The following CD99L2 variants were observed in gnomAD, a reference collection of about 807,000 sequenced individuals.
The protein encoded by CD99L2 is CD99 antigen-like protein 2.
Under a neutral mutation model 27.3 loss-of-function variants are expected in CD99L2, and 24 were observed. That is an observed-to-expected ratio of 0.88 (90% confidence interval 0.64 to 1.24). The LOEUF is 1.24. Among genes scored for constraint, CD99L2 ranks in the 50% most tolerant of loss-of-function variants. CD99L2 has a pLI of 0.00. For missense variants in CD99L2, 255 were observed against 221.6 expected, an observed-to-expected ratio of 1.15 and a Z score of -0.96; for synonymous variants, 97 against 87.9, an observed-to-expected ratio of 1.10 and a Z score of -0.58.
intron 7 of CD99L2, among the ~76,000 whole-genome samples, chrX:150,784,540 T>C (rs1257495628): frequency 9.0e-6 from 1 of 111,529 alleles, no homozygotes; most frequent in Middle Eastern, 4.7e-3. Flanking sequence ...ACTATGAGAG[T>C]GCACACTTCC....
At chrX:150,839,980 G>C (rs1435283676) in intron 1 of CD99L2, among the ~76,000 whole-genome samples, 3 of 110,484 alleles carry the variant, frequency 2.7e-5, no homozygotes, top group African/African-American at 9.9e-5. Flanking sequence ...TGAAGCTTCA[G>C]TGAGCTATGA....
intron 5 of CD99L2, 34 bp downstream of exon 5, chrX:150,795,384 T>C (rs1557419876): frequency 2.5e-6 from 3 of 1,208,173 alleles, no homozygotes; most frequent in Non-Finnish European, 3.4e-6. Context: ...ATGGGATCCT[T>C]GCCTTACTAC....
intron 7 of CD99L2, among the ~76,000 whole-genome samples, chrX:150,787,123 T>A (rs1557419578): frequency 8.9e-6 from 1 of 112,471 alleles, no homozygotes. Context: ...TAGACCTTTG[T>A]TGGATGCATA....
At position 150,824,122 on chromosome X, in the gene CD99L2, A is replaced by AAGG. The variant is rs201105178; in HGVS notation, c.130+7106_130+7108dup. ...AAGGAAGAAGGAAGAAGGAAGAAGG[A>AAGG]AGGAGGAGGAGGAGGAGGAGAAGAA... On this transcript the variant is annotated intron_variant, in intron 2 of 10. Transcript: ENST00000370377. Among the ~76,000 whole-genome samples, 13 of 42,169 alleles carry AAGG rather than the reference A, an allele frequency of 3.1e-4. 1 individual carries two copies. Among genetic ancestry groups the AAGG allele is most frequent in the Non-Finnish European group, 1.7e-4 (4 of 23,031 alleles). 36.6% of individuals were successfully genotyped at this position (42,169 alleles called of 115,157 possible).
chrX:150,854,916 G>A (rs1449151129), intron 1 of CD99L2, among the ~76,000 whole-genome samples: 3 of 109,457 alleles, frequency 2.7e-5, no homozygotes, highest in Non-Finnish European at 5.7e-5. Context: ...CCCTCCCCCC[G>A]GTGGTTCACT....
At chrX:150,778,686 ATATATATAT>A (rs1219079153) in intron 7 of CD99L2, among the ~76,000 whole-genome samples, 2 of 21,599 alleles carry the variant, frequency 9.3e-5, no homozygotes, top group African/African-American at 1.7e-4. Flanking sequence ...AAAAAAAAAA[ATATATATAT>A]ATATATATAT....
intron 1 of CD99L2, among the ~76,000 whole-genome samples, chrX:150,897,295 C>T (rs963949935): frequency 4.7e-4 from 53 of 112,485 alleles, no homozygotes; most frequent in African/African-American, 1.5e-3. Context: ...AGGATGTAAG[C>T]TCCATGAAGA....
intron 2 of CD99L2, among the ~76,000 whole-genome samples, chrX:150,824,678 GA>G (rs2124217385): frequency 1.1e-5 from 1 of 89,690 alleles, no homozygotes; most frequent in African/African-American, 4.1e-5. Context: ...GGAAGAGGAA[GA>G]AGAAGAAGAG....
chrX:150,786,916 G>A (rs1660971907), intron 7 of CD99L2, among the ~76,000 whole-genome samples: 1 of 112,119 alleles, frequency 8.9e-6, no homozygotes, highest in African/African-American at 3.2e-5. Flanking sequence ...TCTGACTGGT[G>A]TGAGAAGGTA....
chrX:150,834,645 T>C (rs782339594), intron 1 of CD99L2, among the ~76,000 whole-genome samples: 12 of 112,405 alleles, frequency 1.1e-4, no homozygotes, highest in African/African-American at 3.9e-4. Context: ...TAAATTAGTA[T>C]AGCCATTTTG....
chrX:150,849,797 C>T (rs1334787108), intron 1 of CD99L2, among the ~76,000 whole-genome samples: 1 of 111,719 alleles, frequency 9.0e-6, no homozygotes. Flanking sequence ...CAGTCTGGCT[C>T]ATTCCACACC....
At chrX:150,841,464 T>C (rs1280358393) in intron 1 of CD99L2, among the ~76,000 whole-genome samples, 2 of 111,680 alleles carry the variant, frequency 1.8e-5, no homozygotes, top group Non-Finnish European at 3.8e-5. Flanking sequence ...TTGTTTTCAA[T>C]CCATGTACGT....
At chrX:150,827,581 C>T (rs782423620) in intron 2 of CD99L2, among the ~76,000 whole-genome samples, 2 of 111,760 alleles carry the variant, frequency 1.8e-5, no homozygotes, top group East Asian at 5.6e-4. Flanking sequence ...TTGTTTTGGT[C>T]CTGTTTGTTT....
At chrX:150,778,179 C>T (rs1422405405) in intron 7 of CD99L2, among the ~76,000 whole-genome samples, 3 of 110,083 alleles carry the variant, frequency 2.7e-5, no homozygotes, top group East Asian at 2.8e-4. Context: ...AATTCACACA[C>T]GCACACACAC....
At position 150,776,230 on chromosome X, in the gene CD99L2, C is replaced by G. The variant is rs920202608; in HGVS notation, c.599G>C (p.Gly200Ala). Residue 200 changes from glycine (G) to alanine (A), a missense_variant, in exon 9 of 11, where the codon GGT (glycine) becomes GCT (alanine). Gly to Ala is a moderately conservative substitution (Grantham distance 60). Transcript: ENST00000370377. The stretch of plus-strand genomic sequence containing the variant: ...GTAGGAGATGTAGCTGGAGACGGCA[C>G]CGATGAGGGCCATGGCCAGGGCGCT... ...VASALAMALI[G>A]AVSSYISYQQ... 1 of 1,210,024 alleles carries G rather than the reference C, an allele frequency of 8.3e-7. No individual in the cohort carries two copies. Among genetic ancestry groups the G allele is most frequent in the African/African-American group, 1.7e-5 (1 of 57,259 alleles).
In CD99L2 at chrX:150,768,890, C is replaced by A. The variant is rs1330363763; in HGVS notation, c.*144G>T. ...GGCAGAGAAACCAAACTCACAAACA[C>A]CCAGAGCTCATCCGGGAAACTCAGA... On this transcript the variant is annotated 3_prime_UTR_variant, in exon 11 of 11. Transcript: ENST00000370377. 81 of 1,053,717 alleles carry A rather than the reference C, an allele frequency of 7.7e-5. No homozygotes were observed. Among genetic ancestry groups the A allele is most frequent in the Non-Finnish European group, 9.2e-5 (76 of 827,541 alleles). 86.8% of individuals were successfully genotyped at this position (1,053,717 alleles called of 1,213,427 possible). A position where few individuals can be genotyped will look rare whatever the true frequency, so the allele number is the denominator to read the frequency against.
At chrX:150,770,684 C>T (rs1274297659) in intron 9 of CD99L2, among the ~76,000 whole-genome samples, 4 of 113,084 alleles carry the variant, frequency 3.5e-5, no homozygotes, top group African/African-American at 9.6e-5. Context: ...GTGGAGGGGG[C>T]GCCCGATGGC....
chrX:150,796,283 T>C (rs1557419908), intron 4 of CD99L2, among the ~76,000 whole-genome samples: 2 of 112,664 alleles, frequency 1.8e-5, no homozygotes, highest in African/African-American at 6.5e-5. Flanking sequence ...CTATCATTTT[T>C]CGATAGACCT....
intron 4 of CD99L2, among the ~76,000 whole-genome samples, chrX:150,806,806 G>A (rs1250099824): frequency 2.7e-5 from 3 of 110,645 alleles, no homozygotes; most frequent in Non-Finnish European, 3.8e-5. Flanking sequence ...CAGGAGAATC[G>A]CTTGAACCCT....
Sources: allele counts gnomAD v4.1 joint callset (sites outside exome capture counted in the v4.1 genomes callset), GRCh38; gene constraint gnomAD v4.1.1; transcripts MANE v1.5; gene names NCBI Gene and HGNC (gene_info 2026-07-23, HGNC 2026-07-21).